SDK1: variants seen among roughly 807,000 people sequenced by gnomAD.
SDK1 encodes sidekick cell adhesion molecule 1.
SDK1 carries 157 observed loss-of-function variants against 245.5 expected under a neutral mutation model. That is an observed-to-expected ratio of 0.64 (90% CI 0.56 to 0.73). SDK1 has a LOEUF of 0.73. Among genes scored for constraint, SDK1 ranks in the 30% least tolerant of loss-of-function variants. SDK1 has a pLI of 0.00. For synonymous variants in SDK1, 1,647 were observed against 1,278.5 expected (o/e 1.29, Z -6.15); for missense variants, 3,583 against 3,002.3 (o/e 1.19, Z -4.52).
chr7:4,046,122 T>C (rs907336787), intron 17 of SDK1, among the ~76,000 whole-genome samples: 31 of 151,908 alleles, frequency 2.0e-4, no homozygotes, highest in Admixed American at 8.5e-4. Context: ...TGTAATTCTT[T>C]GTAGCGGTGG....
intron 4 of SDK1, among the ~76,000 whole-genome samples, chr7:3,687,105 C>T (rs1189393258): frequency 7.9e-6 from 1 of 126,642 alleles, no homozygotes; most frequent in Non-Finnish European, 1.6e-5. Context: ...ACACACCACC[C>T]TGTATCACAT....
chr7:4,208,210 G>A lies in SDK1; in HGVS notation c.5326G>A (p.Val1776Ile). The A allele has an allele frequency of 6.2e-7, 1 of 1,614,150 alleles. No homozygotes were observed. Among genetic ancestry groups the A allele is most frequent in the Non-Finnish European group, 8.5e-7 (1 of 1,180,022 alleles). The change falls in exon 37 of 45, where the codon GTC (valine) becomes ATC (isoleucine). Residue 1776 changes from valine (V) to isoleucine (I), a missense_variant. Transcript: ENST00000404826. The stretch of plus-strand genomic sequence containing the variant: ...CCTGACCAGCCATACCAAGTACCTG[G>A]TCAGCATATCAGCCTTCAACGCCGC... ...KNLTSHTKYL[V>I]SISAFNAAGD...
intron 4 of SDK1, among the ~76,000 whole-genome samples, chr7:3,782,146 G>T (rs80102844): frequency 6.6e-6 from 1 of 152,224 alleles, no homozygotes; most frequent in African/African-American, 2.4e-5. Context: ...TCTGCAGACA[G>T]TACAGGAAGC....
chr7:3,373,772 A>G lies in SDK1; in HGVS notation c.298+71888A>G, dbSNP rs553996072. On this transcript the variant is annotated intron_variant, in intron 1 of 44. Coordinates refer to ENST00000404826, the MANE Select transcript of SDK1 (RefSeq NM_152744.4). ...GTCAACAGACAAATGGTTAGAAGCA[A>G]TTTAATAAAAGTGCTTGTTCACAAA... Among the ~76,000 whole-genome samples, 16 of 152,296 alleles carry G rather than the reference A, an allele frequency of 1.1e-4. No individual in the cohort carries two copies. The East Asian group carries it at 2.3e-3, about 22-fold the overall frequency.
intron 1 of SDK1, among the ~76,000 whole-genome samples, chr7:3,550,282 T>C (rs750437439): frequency 6.6e-6 from 1 of 152,222 alleles, no homozygotes; most frequent in Non-Finnish European, 1.5e-5. Flanking sequence ...AATATTTCAG[T>C]GCCTGAAATC....
rs982626619 is a variant in SDK1 at position 3,857,009 on chromosome 7, A to G, written c.847+35426A>G. ...AATTACAAGGCATAATCAGTATACC[A>G]TAACCAAGTAGATTGAATCCCCGAA... On this transcript the variant is annotated intron_variant, in intron 5 of 44. Transcript: ENST00000404826. Among the ~76,000 whole-genome samples, 6 of 152,322 alleles carry G rather than the reference A, an allele frequency of 3.9e-5. No homozygotes were observed. The East Asian group carries it at 5.8e-4, about 15-fold the overall frequency.
intron 4 of SDK1, among the ~76,000 whole-genome samples, chr7:3,668,854 C>A (rs1783612974): frequency 1.3e-5 from 2 of 152,158 alleles, no homozygotes; most frequent in South Asian, 4.2e-4. Context: ...ACAAAGTGTC[C>A]ATTTTCACCA....
At chr7:3,802,768 C>A (rs1220421081) in intron 4 of SDK1, among the ~76,000 whole-genome samples, 1 of 152,180 alleles carries the variant, frequency 6.6e-6, no homozygotes, top group Non-Finnish European at 1.5e-5. Context: ...TGAGACCCAT[C>A]CAAGTTGCAT....
chr7:3,551,761 A>G (rs1779422341), intron 1 of SDK1, among the ~76,000 whole-genome samples: 1 of 151,880 alleles, frequency 6.6e-6, no homozygotes, highest in African/African-American at 2.4e-5. Context: ...CCGCAGCCTG[A>G]GACTCGTGGG....
chr7:3,447,315 A>G (rs1562491580), intron 1 of SDK1, among the ~76,000 whole-genome samples: 1 of 152,190 alleles, frequency 6.6e-6, no homozygotes, highest in Non-Finnish European at 1.5e-5. Context: ...ACCCTAGCTG[A>G]TTGTGTACCA....
intron 1 of SDK1, among the ~76,000 whole-genome samples, chr7:3,536,577 C>T (rs1016625766): frequency 6.6e-6 from 1 of 151,888 alleles, no homozygotes; most frequent in African/African-American, 2.4e-5. Context: ...CCCTGTGATC[C>T]CAGCTACTTG....
At chr7:3,727,847 C>T (rs189629809) in intron 4 of SDK1, among the ~76,000 whole-genome samples, 12 of 152,164 alleles carry the variant, frequency 7.9e-5, no homozygotes, top group East Asian at 1.9e-4. Context: ...CGAGGTCCAC[C>T]GTTTATTCAG....
At chr7:3,765,490 T>C (rs540867583) in intron 4 of SDK1, among the ~76,000 whole-genome samples, 1 of 152,328 alleles carries the variant, frequency 6.6e-6, no homozygotes, top group South Asian at 2.1e-4. Context: ...TCACCTGCGC[T>C]GTGGTGAATG....
intron 35 of SDK1, among the ~76,000 whole-genome samples, 156 bp from the exon 36 acceptor site, chr7:4,205,723 A>G (rs920397345): frequency 5.3e-5 from 8 of 152,250 alleles, no homozygotes; most frequent in African/African-American, 1.9e-4. Context: ...ATAACTGTCT[A>G]AGGCCTCCTA....
chr7:3,903,197 G>A (rs923440957), intron 5 of SDK1, among the ~76,000 whole-genome samples: 7 of 150,714 alleles, frequency 4.6e-5, no homozygotes, highest in Non-Finnish European at 1.0e-4. Context: ...AGGCTAGAGT[G>A]CAGTGGTGTA....
intron 1 of SDK1, among the ~76,000 whole-genome samples, chr7:3,396,567 T>C (rs971021641): frequency 1.3e-5 from 2 of 151,902 alleles, no homozygotes; most frequent in Admixed American, 6.6e-5. Context: ...TATTTATAAA[T>C]TGTTATCTTT....
rs1779312279 is a variant in SDK1 at position 3,414,683 on chromosome 7, TG to T, written c.298+112800del. ...GGTTGTTCAACCATCACCACTATCT[TG>T]ACTGCAGAACATTTTTATCACCCCA... is the stretch of plus-strand genomic sequence containing the variant. On this transcript the variant is annotated intron_variant, in intron 1 of 44. Transcript: ENST00000404826. 2.0e-5 allele frequency among the ~76,000 whole-genome samples: 3 copies of T among 152,208 alleles called. No individual in the cohort carries two copies. The South Asian group carries it at 6.2e-4, about 32-fold the overall frequency.
At chr7:4,220,731 C>A (rs58686602) in intron 39 of SDK1, among the ~76,000 whole-genome samples, 17 of 151,752 alleles carry the variant, frequency 1.1e-4, no homozygotes, top group African/African-American at 3.9e-4. Flanking sequence ...TGTGGGGTGC[C>A]CTGCACCTGC....
At chr7:3,928,740 TCA>T (rs1476895826) in intron 5 of SDK1, among the ~76,000 whole-genome samples, 2 of 152,122 alleles carry the variant, frequency 1.3e-5, no homozygotes, top group African/African-American at 4.8e-5. Flanking sequence ...GTTCAGTACC[TCA>T]CATGCATTCT....
Sources: gnomAD v4.1 joint callset for allele counts (sites outside exome capture counted in the v4.1 genomes callset) on GRCh38, gnomAD v4.1.1 for gene constraint, MANE v1.5 for transcripts, NCBI Gene and HGNC (gene_info 2026-07-23, HGNC 2026-07-21) for gene names.